RBM20: variants seen among roughly 807,000 people sequenced by gnomAD.
RBM20 encodes RNA binding motif protein 20.
Under a neutral mutation model 110.1 loss-of-function variants are expected in RBM20, and 51 were observed. The observed-to-expected ratio is 0.46, with a 90% CI of 0.37 to 0.59. The LOEUF (loss-of-function observed/expected upper bound fraction) is 0.59, where lower values mean the gene tolerates loss of function less well. Ranked by LOEUF, RBM20 falls within the 20% of genes least tolerant of loss-of-function variation. The pLI is 0.00. For synonymous variants in RBM20, 589 were observed against 618.2 expected (o/e 0.95, Z 0.70); for missense variants, 1,512 against 1,574.9 (o/e 0.96, Z 0.68).
At chr10:110,788,818 A>G (rs1382233855) in intron 5 of RBM20, among the ~76,000 whole-genome samples, 1 of 152,220 alleles carries the variant, frequency 6.6e-6, no homozygotes, top group African/African-American at 2.4e-5. Context: ...CACCCCAAAG[A>G]TAAGGGGTGA....
intron 1 of RBM20, among the ~76,000 whole-genome samples, chr10:110,757,726 G>T (rs963950747): frequency 6.6e-6 from 1 of 152,214 alleles, no homozygotes; most frequent in Non-Finnish European, 1.5e-5. Context: ...AAGGCAACTG[G>T]TGTTCCTAGA....
At chr10:110,764,040 A>G (rs947864516) in intron 1 of RBM20, among the ~76,000 whole-genome samples, 1 of 151,910 alleles carries the variant, frequency 6.6e-6, no homozygotes, top group Non-Finnish European at 1.5e-5. Context: ...GCAAAGGAGA[A>G]CTCACTTTTC....
intron 1 of RBM20, among the ~76,000 whole-genome samples, chr10:110,700,160 T>C (rs4918567): frequency 0.84 from 127,488 of 152,044 alleles, 53,490 homozygotes; most frequent in Middle Eastern, 0.91. Flanking sequence ...GACTACTGTA[T>C]TCCCCTCTTC....
intron 1 of RBM20, among the ~76,000 whole-genome samples, chr10:110,774,939 A>G: frequency 6.6e-6 from 1 of 152,218 alleles, no homozygotes; most frequent in Non-Finnish European, 1.5e-5. Flanking sequence ...ATAAATATTA[A>G]AAAGAAATTC....
At position 110,835,961 on chromosome 10, in the gene RBM20, G is replaced by C. The variant is rs942077; in HGVS notation, c.3667G>C (p.Glu1223Gln). Reference sequence around the variant, plus strand: ...GGACAGCGGAATCGTGCCACGCTTCGAAAGGAAAAAGCTCTGATGCTTCTG... The same window carrying C: ...GGACAGCGGAATCGTGCCACGCTTCCAAAGGAAAAAGCTCTGATGCTTCTG... ...PEDSGIVPRF[E>Q]RKKL The change falls in exon 14 of 14, where the codon GAA becomes CAA. Residue 1223 changes from glutamate to glutamine, a missense_variant. Around this residue, in one of 3 missense-constraint regions of RBM20, gnomAD observed 358 missense variants for 384.2 expected, o/e 0.93. Coordinates refer to ENST00000369519, the MANE Select transcript of RBM20 (RefSeq NM_001134363.3). 1,042,286 of 1,259,556 alleles carry C rather than the reference G, an allele frequency of 0.83. 437,122 individuals carry two copies. Among genetic ancestry groups the C allele is most frequent in the Non-Finnish European group, 0.87 (769,932 of 888,982 alleles). 78.0% of individuals were successfully genotyped at this position (1,259,556 alleles called of 1,614,324 possible). A position where few individuals can be genotyped will look rare whatever the true frequency, so the allele number is the denominator to read the frequency against.
intron 7 of RBM20, among the ~76,000 whole-genome samples, chr10:110,801,151 G>A (rs1038138538): frequency 3.9e-5 from 6 of 152,052 alleles, no homozygotes; most frequent in South Asian, 2.1e-4. Flanking sequence ...GTTTTCGGCC[G>A]GGCGTGGTGG....
chr10:110,725,454 T>C (rs540170721), intron 1 of RBM20, among the ~76,000 whole-genome samples: 37 of 152,310 alleles, frequency 2.4e-4, no homozygotes, highest in Admixed American at 4.6e-4. Flanking sequence ...GAATCCTATG[T>C]TTCTCAGTTA....
chr10:110,816,013 C>T (rs1446648180), intron 9 of RBM20, among the ~76,000 whole-genome samples: 1 of 152,140 alleles, frequency 6.6e-6, no homozygotes, highest in African/African-American at 2.4e-5. Flanking sequence ...AAGAAAAGCC[C>T]AGACCCCACA....
chr10:110,664,321 A>G (rs987690359), intron 1 of RBM20, among the ~76,000 whole-genome samples: 33 of 152,256 alleles, frequency 2.2e-4, no homozygotes, highest in African/African-American at 8.0e-4. Context: ...TCCTGTGAGA[A>G]GTACTCAGAA....
At chr10:110,683,321 C>A (rs1374290221) in intron 1 of RBM20, among the ~76,000 whole-genome samples, 2 of 152,226 alleles carry the variant, frequency 1.3e-5, no homozygotes, top group Non-Finnish European at 2.9e-5. Context: ...GTCAGATTTA[C>A]AATTTCAATC....
At chr10:110,770,066 T>C (rs1359178304) in intron 1 of RBM20, among the ~76,000 whole-genome samples, 2 of 152,162 alleles carry the variant, frequency 1.3e-5, no homozygotes, top group Non-Finnish European at 2.9e-5. Context: ...CAAAATACTC[T>C]AGTACAGCGG....
chr10:110,752,902 A>G (rs1168008255), intron 1 of RBM20, among the ~76,000 whole-genome samples: 2 of 143,270 alleles, frequency 1.4e-5, no homozygotes, highest in African/African-American at 5.1e-5. Context: ...TATAATACAT[A>G]TATATTATAT....
At chr10:110,653,959 C>T (rs574948409) in intron 1 of RBM20, among the ~76,000 whole-genome samples, 11 of 152,190 alleles carry the variant, frequency 7.2e-5, no homozygotes, top group Non-Finnish European at 1.5e-4. Context: ...ATGGCTGTGA[C>T]TGTTGTTTCT....
At chr10:110,751,688 A>G (rs1327374211) in intron 1 of RBM20, among the ~76,000 whole-genome samples, 1 of 152,220 alleles carries the variant, frequency 6.6e-6, no homozygotes, top group Non-Finnish European at 1.5e-5. Flanking sequence ...TTGCCTTTAG[A>G]CAGGGACTGG....
intron 12 of RBM20, among the ~76,000 whole-genome samples, chr10:110,826,067 G>A (rs1844976828): frequency 6.6e-6 from 1 of 152,160 alleles, no homozygotes; most frequent in African/African-American, 2.4e-5. Flanking sequence ...AGGGTGGTAT[G>A]TATTTGCATT....
chr10:110,760,529 C>T lies in RBM20; in HGVS notation c.192-20272C>T, dbSNP rs1315946251. ...GATCTCAGCTCACTGCAATCTCTGC[C>T]TCCTGGGTTCAAGCAATTCTCCTGC... On this transcript the variant is annotated intron_variant, in intron 1 of 13. Coordinates refer to ENST00000369519, the MANE Select transcript of RBM20 (RefSeq NM_001134363.3). 3.0e-5 allele frequency among the ~76,000 whole-genome samples: 4 copies of T among 134,936 alleles called. No individual in the cohort carries two copies. In the Admixed American group the frequency reaches 3.3e-4, roughly 11 times the overall value. The allele number at this position is 134,936 out of a possible 152,430, so 88.5% of individuals were successfully genotyped here.
chr10:110,702,253 G>A (rs957307), intron 1 of RBM20, among the ~76,000 whole-genome samples: 16,777 of 152,216 alleles, frequency 0.11, 1,094 homozygotes, highest in African/African-American at 0.15. Context: ...AGTCGAGAGC[G>A]TATCAGCTGA....
intron 1 of RBM20, among the ~76,000 whole-genome samples, chr10:110,709,815 C>T (rs1431888014): frequency 6.6e-6 from 1 of 152,066 alleles, no homozygotes; most frequent in Non-Finnish European, 1.5e-5. Context: ...AAGCAATTCT[C>T]CCACCTTGGC....
chr10:110,810,601 C>T, intron 8 of RBM20, 139 bp downstream of exon 8: 1 of 584,132 alleles, frequency 1.7e-6, no homozygotes, highest in Non-Finnish European at 3.1e-6. Flanking sequence ...CTGGGTCCCA[C>T]TTTTCCATGT....
Sources: allele counts gnomAD v4.1 joint callset (sites outside exome capture counted in the v4.1 genomes callset), GRCh38; gene constraint gnomAD v4.1.1; regional missense constraint gnomAD v4.1.1; transcripts MANE v1.5; gene names NCBI Gene and HGNC (gene_info 2026-07-23, HGNC 2026-07-21).